The following PIWIL2 variants were observed in gnomAD, a reference collection of about 807,000 sequenced individuals.
PIWIL2 encodes piwi like RNA-mediated gene silencing 2, also known as piwi-like protein 2.
A neutral mutation model predicts 116.5 loss-of-function variants in PIWIL2; 81 were observed. That is an observed-to-expected ratio of 0.70 (90% CI 0.58 to 0.84). PIWIL2 has a LOEUF of 0.84. PIWIL2 is among the 40% of genes least tolerant of loss of function. PIWIL2 has a pLI of 0.00. For synonymous variants in PIWIL2, 489 were observed against 429.5 expected, an observed-to-expected ratio of 1.14 and a Z score of -1.71; for missense variants, 1,272 against 1,212.3, an observed-to-expected ratio of 1.05 and a Z score of -0.73.
chr8:22,313,394 A>G (rs1831378712), intron 16 of PIWIL2, among the ~76,000 whole-genome samples: 1 of 152,222 alleles, frequency 6.6e-6, no homozygotes, highest in Non-Finnish European at 1.5e-5. Flanking sequence ...GTAAAGGCCA[A>G]AAACCTGGAA....
chr8:22,297,367 T>G (rs59255147), intron 10 of PIWIL2, among the ~76,000 whole-genome samples: 2,666 of 152,270 alleles, frequency 0.018, 70 homozygotes, highest in African/African-American at 0.061. Context: ...ATCCTCCTTC[T>G]ACATCGGCCC....
Position 22,288,524 on chromosome 8 carries a change from T to C in PIWIL2, c.862-18T>C, listed in dbSNP as rs1319402853. 1.2e-6 allele frequency: 2 copies of C among 1,605,274 alleles called. No homozygotes were observed. The highest frequency in any genetic ancestry group is 1.3e-5 in the African/African-American group (1 of 74,676). ...TAGTTTTGTCATTTTGTTTCACCTGTGTGTATTTATTTGTTAGGTTCTTGA... is the reference window on the plus strand; with the variant it reads ...TAGTTTTGTCATTTTGTTTCACCTGCGTGTATTTATTTGTTAGGTTCTTGA... On this transcript the variant is annotated intron_variant, in intron 7 of 22. Coordinates refer to ENST00000356766, the MANE Select transcript of PIWIL2 (RefSeq NM_018068.5).
chr8:22,329,618 C>A (rs1478176595), intron 20 of PIWIL2, among the ~76,000 whole-genome samples: 1 of 152,214 alleles, frequency 6.6e-6, no homozygotes, highest in African/African-American at 2.4e-5. Context: ...GAAACACCTC[C>A]CACCATGCCC....
intron 10 of PIWIL2, among the ~76,000 whole-genome samples, chr8:22,303,145 C>A (rs1831090766): frequency 6.6e-6 from 1 of 152,156 alleles, no homozygotes; most frequent in South Asian, 2.1e-4. Flanking sequence ...TAAAGGGCAG[C>A]AGGAAATAGT....
chr8:22,356,410 G>T lies in PIWIL2; in HGVS notation c.*905G>T, dbSNP rs896554746. 2 of 152,092 alleles carry T rather than the reference G, an allele frequency of 1.3e-5. No homozygotes were observed. Among genetic ancestry groups the T allele is most frequent in the African/African-American group, 2.4e-5 (1 of 41,402 alleles). The allele number at this position is 152,092 out of a possible 1,614,324, so 9.4% of individuals were successfully genotyped here. A position where few individuals can be genotyped will look rare whatever the true frequency, so the allele number is the denominator to read the frequency against. On this transcript the variant is annotated 3_prime_UTR_variant, in exon 23 of 23. Transcript: ENST00000356766. ...GTTGGATTCGAAAATGGCTTCCCTT[G>T]GCCTCTTGAAAGAGTGCAGATGAAG...
intron 20 of PIWIL2, among the ~76,000 whole-genome samples, chr8:22,325,068 T>A (rs1831690936): frequency 6.6e-6 from 1 of 152,166 alleles, no homozygotes; most frequent in African/African-American, 2.4e-5. Context: ...CATCCCAGCT[T>A]CTGGCACCTA....
Position 22,314,410 on chromosome 8 carries a change from A to C in PIWIL2, c.2072A>C (p.Gln691Pro). The change falls in exon 17 of 23, where the codon CAG becomes CCG. Residue 691 changes from glutamine (Q) to proline (P), a missense_variant. Transcript: ENST00000356766. ...GCCATCAAGAAGCTGTGCTGTGTGC[A>C]GTCCCCAGTGCCCTCCCAGGTGAGT... ...YGAIKKLCCVQSPVPSQVVNV... is the reference protein window; with the variant it reads ...YGAIKKLCCVPSPVPSQVVNV... 6.3e-7 allele frequency: 1 copy of C among 1,580,148 alleles called. No homozygotes were observed. The highest frequency in any genetic ancestry group is 8.6e-7 in the Non-Finnish European group (1 of 1,160,884).
Position 22,307,983 on chromosome 8 carries a change from G to A in PIWIL2, c.1596G>A (p.Leu532=), listed in dbSNP as rs141908750. The A allele has an allele frequency of 1.2e-6, 2 of 1,613,408 alleles. No homozygotes were observed. Among genetic ancestry groups the A allele is most frequent in the Non-Finnish European group, 1.7e-6 (2 of 1,179,712 alleles). The change falls in exon 14 of 23, where the codon TTG becomes TTA. Residue 532 remains leucine (L), a synonymous_variant. Transcript: ENST00000356766. ...GCCCCAAGCAACACCATAGTGCTTT[G>A]GAATGCTTGCTGCAAAGAATTGCAA... ...NLSPKQHHSA[L]ECLLQRIAKN...
intron 20 of PIWIL2, among the ~76,000 whole-genome samples, chr8:22,351,726 CGAG>C (rs1427013380): frequency 6.6e-6 from 1 of 150,620 alleles, no homozygotes; most frequent in Non-Finnish European, 1.5e-5. Context: ...TTAGTAGAGA[CGAG>C]GGTTTCACCA....
At chr8:22,332,683 T>G (rs1016254168) in intron 20 of PIWIL2, among the ~76,000 whole-genome samples, 3 of 152,072 alleles carry the variant, frequency 2.0e-5, no homozygotes, top group Non-Finnish European at 4.4e-5. Context: ...AATAATATAA[T>G]AGCTACAAAG....
rs149789206 is a variant in PIWIL2 at position 22,284,901 on chromosome 8, G to A, written c.743+629G>A. 4.2e-3 allele frequency among the ~76,000 whole-genome samples: 645 copies of A among 152,260 alleles called. 6 individuals carry two copies. The highest frequency in any genetic ancestry group is 0.015 in the African/African-American group (624 of 41,546). On this transcript the variant is annotated intron_variant, in intron 6 of 22. Coordinates refer to ENST00000356766, the MANE Select transcript of PIWIL2 (RefSeq NM_018068.5). ...GCTGGAAGTTCTTAGCTGGAATTGT[G>A]AAAATGAGTGTTTTGAAATACCTGT...
Position 22,304,050 on chromosome 8 carries a change from A to G in PIWIL2, c.1211A>G (p.His404Arg), listed in dbSNP as rs1173651137. ...MHAIYQQNKEHFQDECTKLLV... is the reference protein window; with the variant it reads ...MHAIYQQNKERFQDECTKLLV... The stretch of plus-strand genomic sequence containing the variant: ...GCCATTTATCAGCAGAATAAAGAAC[A>G]CTTCCAGGATGAGTGTACTAAGCTT... The change falls in exon 11 of 23, where the codon CAC becomes CGC. Residue 404 changes from histidine to arginine, a missense_variant. Coordinates refer to ENST00000356766, the MANE Select transcript of PIWIL2 (RefSeq NM_018068.5). 5.0e-6 allele frequency: 8 copies of G among 1,612,714 alleles called. No individual in the cohort carries two copies. The highest frequency in any genetic ancestry group is 1.7e-5 in the Admixed American group (1 of 59,744).
At chr8:22,287,189 G>C (rs1004340050) in intron 6 of PIWIL2, among the ~76,000 whole-genome samples, 1 of 152,216 alleles carries the variant, frequency 6.6e-6, no homozygotes, top group Non-Finnish European at 1.5e-5. Flanking sequence ...GGAGATTGCA[G>C]TGAGCTGAGA....
intron 20 of PIWIL2, among the ~76,000 whole-genome samples, chr8:22,325,610 A>G (rs1459940635): frequency 1.3e-5 from 2 of 149,654 alleles, no homozygotes; most frequent in African/African-American, 2.4e-5. Context: ...CAGCCTGCCA[A>G]GTAGCTGGGA....
At chr8:22,328,092 C>G (rs1034027498) in intron 20 of PIWIL2, among the ~76,000 whole-genome samples, 1 of 151,868 alleles carries the variant, frequency 6.6e-6, no homozygotes, top group Non-Finnish European at 1.5e-5. Flanking sequence ...TTAACTCTTA[C>G]ATATAAGTCA....
At chr8:22,317,543 A>G (rs1362928440) in intron 19 of PIWIL2, among the ~76,000 whole-genome samples, 2 of 152,146 alleles carry the variant, frequency 1.3e-5, no homozygotes, top group Non-Finnish European at 2.9e-5. Flanking sequence ...TATTCTGTGT[A>G]TCATTATTTA....
At chr8:22,295,312 T>C (rs1308393733) in intron 10 of PIWIL2, among the ~76,000 whole-genome samples, 1 of 149,720 alleles carries the variant, frequency 6.7e-6, no homozygotes, top group Non-Finnish European at 1.5e-5. Flanking sequence ...TAACTGGGGC[T>C]ACAGGCTTGT....
At chr8:22,332,666 A>C (rs1168680382) in intron 20 of PIWIL2, among the ~76,000 whole-genome samples, 1 of 152,146 alleles carries the variant, frequency 6.6e-6, no homozygotes, top group Non-Finnish European at 1.5e-5. Flanking sequence ...AGCGTAAGCC[A>C]CAAGATAATA....
intron 20 of PIWIL2, among the ~76,000 whole-genome samples, chr8:22,335,792 C>T (rs1358820654): frequency 6.6e-6 from 1 of 152,138 alleles, no homozygotes; most frequent in Non-Finnish European, 1.5e-5. Context: ...CTTCTGGCTT[C>T]AAGTGATCCA....
Sources: allele counts gnomAD v4.1 joint callset (sites outside exome capture counted in the v4.1 genomes callset), GRCh38; gene constraint gnomAD v4.1.1; transcripts MANE v1.5; gene names NCBI Gene and HGNC (gene_info 2026-07-23, HGNC 2026-07-21).